The following GLT1D1 variants were observed in gnomAD, a reference collection of about 807,000 sequenced individuals.
GLT1D1 encodes the protein glycosyltransferase 1 domain-containing protein 1.
In GLT1D1, 21 loss-of-function variants were observed where a neutral mutation model predicts 28.7. That is an observed-to-expected ratio of 0.73 (90% confidence interval 0.52 to 1.05). The LOEUF is 1.05. Among genes scored for constraint, GLT1D1 ranks in the 50% least tolerant of loss-of-function variants. The pLI, the probability that GLT1D1 is intolerant of heterozygous loss-of-function variation, is 0.00. For synonymous variants in GLT1D1, 147 were observed against 124.8 expected (o/e 1.18, Z -1.19); for missense variants, 343 against 330.6 (o/e 1.04, Z -0.29).
Position 128,956,171 on chromosome 12 carries a change from A to AAAAAAAAAAACAAAAAAAGAG in GLT1D1, c.541-1373_541-1372insAAAAAAAAACAAAAAAAGAGA, listed in dbSNP as rs374597920. Among the ~76,000 whole-genome samples, 11 of 63,942 alleles carry AAAAAAAAAAACAAAAAAAGAG rather than the reference A, an allele frequency of 1.7e-4. 2 individuals are homozygous for AAAAAAAAAAACAAAAAAAGAG. The highest frequency in any genetic ancestry group is 3.9e-4 in the Non-Finnish European group (11 of 28,334). The allele number at this position is 63,942 out of a possible 152,430, so 41.9% of individuals were successfully genotyped here. On this transcript the variant is annotated intron_variant, in intron 6 of 7. Transcript: ENST00000281703. ...GAGACTCCATCTCAAAAAAAAAAAA[A>AAAAAAAAAAACAAAAAAAGAG]AGAGAAAGAGAGAAAGAAAGAAAGA...
intron 1 of GLT1D1, among the ~76,000 whole-genome samples, chr12:128,874,492 T>C (rs1374792587): frequency 6.8e-6 from 1 of 147,546 alleles, no homozygotes; most frequent in Non-Finnish European, 1.5e-5. Context: ...TTTTTTTTTT[T>C]TTTTTTTTGA....
chr12:128,963,941 C>T (rs1003892579), intron 7 of GLT1D1, among the ~76,000 whole-genome samples: 10 of 152,236 alleles, frequency 6.6e-5, no homozygotes, highest in African/African-American at 2.4e-4. Flanking sequence ...GCTGCAGTAA[C>T]AGAATACTAT....
At position 128,921,449 on chromosome 12, in the gene GLT1D1, T is replaced by C. The variant is rs577951128; in HGVS notation, c.375+22162T>C. The stretch of plus-strand genomic sequence containing the variant: ...TCAAATAGAAAACATCGAAGTGGCT[T>C]GCATGTAGTCAGCCTAAAGTATGTT... On this transcript the variant is annotated intron_variant, in intron 4 of 7. Transcript: ENST00000281703. Among the ~76,000 whole-genome samples, 6 of 152,112 alleles carry C rather than the reference T, an allele frequency of 3.9e-5. No homozygotes were observed. The South Asian group carries it at 1.2e-3, about 32-fold the overall frequency.
At chr12:128,860,132 A>G (rs1449402697) in intron 1 of GLT1D1, among the ~76,000 whole-genome samples, 2 of 152,228 alleles carry the variant, frequency 1.3e-5, no homozygotes, top group East Asian at 1.9e-4. Context: ...AACATTAGCA[A>G]CCCACGTCAG....
chr12:128,923,429 T>G (rs773858249), intron 4 of GLT1D1, among the ~76,000 whole-genome samples: 1 of 151,954 alleles, frequency 6.6e-6, no homozygotes, highest in South Asian at 2.1e-4. Flanking sequence ...TGGTGGGGGG[T>G]TTGGACCTTC....
At chr12:128,946,895 C>T (rs550728796) in intron 5 of GLT1D1, among the ~76,000 whole-genome samples, 17 of 151,628 alleles carry the variant, frequency 1.1e-4, no homozygotes, top group East Asian at 1.9e-4. Flanking sequence ...GTGATCTGCC[C>T]GCCTCAGCCT....
intron 6 of GLT1D1, among the ~76,000 whole-genome samples, chr12:128,950,169 G>T (rs912379213): frequency 6.6e-6 from 1 of 152,138 alleles, no homozygotes; most frequent in Non-Finnish European, 1.5e-5. Flanking sequence ...AGATGCTACT[G>T]GCATGTATTT....
intron 4 of GLT1D1, among the ~76,000 whole-genome samples, chr12:128,919,561 C>T (rs532984848): frequency 4.2e-4 from 64 of 152,290 alleles, no homozygotes; most frequent in Admixed American, 1.7e-3. Flanking sequence ...CATCAAACCC[C>T]TCTTATGCTT....
intron 1 of GLT1D1, among the ~76,000 whole-genome samples, chr12:128,866,874 G>C (rs2135774237): frequency 6.6e-6 from 1 of 151,546 alleles, no homozygotes; most frequent in East Asian, 2.0e-4. Context: ...ACCCAATTCG[G>C]CCTCCCAAAG....
intron 3 of GLT1D1, among the ~76,000 whole-genome samples, chr12:128,892,323 C>T (rs1869154145): frequency 6.6e-6 from 1 of 151,994 alleles, no homozygotes. Context: ...GTGTGTGTTA[C>T]AATAAAAAAA....
intron 1 of GLT1D1, among the ~76,000 whole-genome samples, chr12:128,864,456 G>A (rs75626427): frequency 0.044 from 6,760 of 152,164 alleles, 213 homozygotes; most frequent in South Asian, 0.14. Context: ...TGCTCAAGAC[G>A]CCAAAGGGGC....
intron 6 of GLT1D1, among the ~76,000 whole-genome samples, chr12:128,950,606 G>GC (rs749418034): frequency 2.8e-4 from 42 of 151,776 alleles, no homozygotes; most frequent in African/African-American, 3.9e-4. Flanking sequence ...AGGTGATGGT[G>GC]CCCCCCCCTC....
At chr12:128,973,855 C>T (rs866797915) in intron 7 of GLT1D1, among the ~76,000 whole-genome samples, 2 of 148,518 alleles carry the variant, frequency 1.3e-5, no homozygotes, top group Non-Finnish European at 3.0e-5. Context: ...TTAGCTTCAT[C>T]GGTGGCTCCC....
intron 2 of GLT1D1, among the ~76,000 whole-genome samples, chr12:128,883,373 C>G (rs954954028): frequency 1.1e-4 from 17 of 150,732 alleles, no homozygotes; most frequent in Non-Finnish European, 1.8e-4. Context: ...GGGGGGATCA[C>G]AAGGTCAGGA....
intron 7 of GLT1D1, among the ~76,000 whole-genome samples, chr12:128,968,507 C>CA (rs1193137612): frequency 6.1e-5 from 9 of 147,158 alleles, no homozygotes; most frequent in East Asian, 2.0e-4. Context: ...ACTAAAAATA[C>CA]AAAAAATCAG....
Position 128,983,135 on chromosome 12 carries a change from G to T in GLT1D1, c.*45G>T. ...ACCTGCTCTCTGACACACAGCTCTG[G>T]GTGCACACTCAGAGACAGAGTTCTG... On this transcript the variant is annotated 3_prime_UTR_variant, in exon 8 of 8. Coordinates refer to ENST00000281703, the MANE Select transcript of GLT1D1 (RefSeq NM_144669.3). This position sits in a 1 kb window ranked among gnomAD's most constrained non-coding sequence, Gnocchi z 4.7. 6.4e-7 allele frequency: 1 copy of T among 1,555,438 alleles called. No individual in the cohort carries two copies. Among genetic ancestry groups the T allele is most frequent in the Non-Finnish European group, 8.8e-7 (1 of 1,130,546 alleles).
chr12:128,977,634 T>C (rs1309229613), intron 7 of GLT1D1, among the ~76,000 whole-genome samples: 1 of 152,110 alleles, frequency 6.6e-6, no homozygotes, highest in Non-Finnish European at 1.5e-5. Flanking sequence ...CCGGAAGGCA[T>C]TTGCGTTTCC....
intron 1 of GLT1D1, among the ~76,000 whole-genome samples, chr12:128,857,463 G>A (rs569957678): frequency 6.6e-6 from 1 of 152,264 alleles, no homozygotes; most frequent in South Asian, 2.1e-4. Flanking sequence ...AAGGATTGCT[G>A]GGGGAAGAAA....
At chr12:128,890,538 C>T (rs1226933649) in intron 3 of GLT1D1, among the ~76,000 whole-genome samples, 7 of 152,186 alleles carry the variant, frequency 4.6e-5, no homozygotes, top group African/African-American at 1.4e-4. Flanking sequence ...AATCCCAGCA[C>T]TTTGGGAGGC....
Sources: allele counts gnomAD v4.1 joint callset (sites outside exome capture counted in the v4.1 genomes callset), GRCh38; gene constraint gnomAD v4.1.1; non-coding constraint Gnocchi (gnomAD v3.1); transcripts MANE v1.5; gene names NCBI Gene and HGNC (gene_info 2026-07-23, HGNC 2026-07-21).